GPC3: variants seen among roughly 807,000 people sequenced by gnomAD.
GPC3 encodes the protein glypican-3.
GPC3 carries 3 observed loss-of-function variants against 34.4 expected under a neutral mutation model. That is an observed-to-expected ratio of 0.09 (90% CI 0.04 to 0.23). The LOEUF is 0.23. Among genes scored for constraint, GPC3 ranks in the 10% least tolerant of loss-of-function variants. The pLI is 1.00. For synonymous variants in GPC3, 177 were observed against 174.0 expected, an observed-to-expected ratio of 1.02 and a Z score of -0.13; for missense variants, 351 against 445.6, an observed-to-expected ratio of 0.79 and a Z score of 1.91.
At chrX:133,800,188 T>A (rs760604875) in intron 2 of GPC3, among the ~76,000 whole-genome samples, 5 of 112,325 alleles carry the variant, frequency 4.5e-5, no homozygotes, top group Non-Finnish European at 9.4e-5. Context: ...ATAGCCAAAT[T>A]CAGCGTTTGC....
At chrX:133,699,817 G>T in intron 4 of GPC3, 78 bp downstream of exon 4, 1 of 818,135 alleles carries the variant, frequency 1.2e-6, no homozygotes, top group Non-Finnish European at 1.8e-6. Flanking sequence ...TATTTAAGAA[G>T]TTTCACTCTA....
chrX:133,844,127 G>A (rs190913989), intron 2 of GPC3, among the ~76,000 whole-genome samples: 1 of 112,199 alleles, frequency 8.9e-6, no homozygotes, highest in African/African-American at 3.2e-5. Context: ...AAAGGAGAAA[G>A]GGAGGTGTGA....
chrX:133,892,051 A>G (rs1414668692), intron 2 of GPC3, among the ~76,000 whole-genome samples: 1 of 109,740 alleles, frequency 9.1e-6, no homozygotes, highest in African/African-American at 3.3e-5. Flanking sequence ...AAACATAGAA[A>G]CTCCGTGTTA....
At chrX:133,601,323 T>C (rs1354127154) in intron 6 of GPC3, among the ~76,000 whole-genome samples, 1 of 112,439 alleles carries the variant, frequency 8.9e-6, no homozygotes, top group Non-Finnish European at 1.9e-5. Context: ...CACTTTTTAA[T>C]GCTTGTTTTT....
At chrX:133,665,070 T>C (rs1487533413) in intron 5 of GPC3, among the ~76,000 whole-genome samples, 2 of 112,290 alleles carry the variant, frequency 1.8e-5, no homozygotes, top group African/African-American at 6.5e-5. Flanking sequence ...TTAACAGTAA[T>C]TTGTAATATT....
intron 2 of GPC3, among the ~76,000 whole-genome samples, chrX:133,778,776 G>C (rs1031669741): frequency 9.0e-6 from 1 of 111,555 alleles, no homozygotes; most frequent in East Asian, 2.8e-4. Context: ...TAACAGTACA[G>C]GGCCCGTGGC....
intron 3 of GPC3, among the ~76,000 whole-genome samples, chrX:133,746,637 G>A (rs1401632959): frequency 4.4e-5 from 5 of 112,500 alleles, no homozygotes; most frequent in Non-Finnish European, 7.5e-5. Context: ...ATGGCAACCT[G>A]TAAACAGTTT....
At chrX:133,635,884 G>A (rs1244295762) in intron 6 of GPC3, among the ~76,000 whole-genome samples, 1 of 109,505 alleles carries the variant, frequency 9.1e-6, no homozygotes, top group African/African-American at 3.3e-5. Context: ...AATAGAGGCT[G>A]TCTACTTTCC....
chrX:133,747,765 T>C (rs1751697747), intron 3 of GPC3, among the ~76,000 whole-genome samples: 1 of 112,136 alleles, frequency 8.9e-6, no homozygotes, highest in African/African-American at 3.2e-5. Flanking sequence ...AGTGCTTCCA[T>C]TATTAGATGC....
intron 6 of GPC3, among the ~76,000 whole-genome samples, chrX:133,638,823 A>AAAAAAAAAAAAAAG (rs1556208965): frequency 8.9e-5 from 9 of 101,417 alleles, no homozygotes; most frequent in African/African-American, 3.4e-4. Context: ...TGATGAGCTA[A>AAAAAAAAAAAAAAG]AAAAAAAAAA....
At chrX:133,586,649 T>C (rs917742671) in intron 7 of GPC3, among the ~76,000 whole-genome samples, 2 of 111,897 alleles carry the variant, frequency 1.8e-5, no homozygotes, top group African/African-American at 6.5e-5. Flanking sequence ...GTGACTACTA[T>C]TGTTGTGACT....
In GPC3 at chrX:133,862,381, TA is replaced by T. The variant is rs1395945406; in HGVS notation, c.337+90668del. ...CATCTCATGGCTGTATTGCTTCCTT[TA>T]AAAAAAAAAAAATAGTGGCCGGGTG... is the stretch of plus-strand genomic sequence containing the variant. On this transcript the variant is annotated intron_variant, in intron 2 of 7. Coordinates refer to ENST00000370818, the MANE Select transcript of GPC3 (RefSeq NM_004484.4). Among the ~76,000 whole-genome samples the T allele has an allele frequency of 5.7e-3, 584 of 101,847 alleles. 3 individuals carry two copies. The highest frequency in any genetic ancestry group is 0.014 in the African/African-American group (386 of 28,241). The allele number at this position is 101,847 out of a possible 115,157, so 88.4% of individuals were successfully genotyped here.
intron 6 of GPC3, among the ~76,000 whole-genome samples, chrX:133,658,971 C>T (rs747664850): frequency 3.6e-5 from 4 of 111,679 alleles, no homozygotes; most frequent in Non-Finnish European, 7.5e-5. Flanking sequence ...GAATTAGACT[C>T]GCAGAAAGTA....
At chrX:133,869,958 A>T (rs1246789730) in intron 2 of GPC3, among the ~76,000 whole-genome samples, 4 of 111,950 alleles carry the variant, frequency 3.6e-5, no homozygotes, top group South Asian at 7.5e-4. Flanking sequence ...CCGTCTCAAA[A>T]AAATAAATAA....
intron 2 of GPC3, among the ~76,000 whole-genome samples, chrX:133,907,033 G>A (rs1239632909): frequency 1.8e-5 from 2 of 109,192 alleles, no homozygotes; most frequent in Admixed American, 9.7e-5. Flanking sequence ...CCCGGGAGGC[G>A]GAGCTTGCAG....
intron 3 of GPC3, among the ~76,000 whole-genome samples, chrX:133,702,568 A>G (rs1038863403): frequency 2.7e-5 from 3 of 111,329 alleles, no homozygotes; most frequent in African/African-American, 9.8e-5. Context: ...GGTCCACAGA[A>G]AGACTTTAAA....
At chrX:133,623,381 C>G (rs2070255347) in intron 6 of GPC3, among the ~76,000 whole-genome samples, 1 of 111,762 alleles carries the variant, frequency 8.9e-6, no homozygotes, top group South Asian at 3.8e-4. Context: ...GATAAAGAGT[C>G]AAGACCCATC....
chrX:133,698,915 G>T (rs2071139661), intron 4 of GPC3, among the ~76,000 whole-genome samples: 1 of 111,818 alleles, frequency 8.9e-6, no homozygotes, highest in South Asian at 3.7e-4. Context: ...TTCTTCTTCT[G>T]CCAGAGAATT....
At chrX:133,799,569 A>C (rs989776642) in intron 2 of GPC3, among the ~76,000 whole-genome samples, 1 of 111,510 alleles carries the variant, frequency 9.0e-6, no homozygotes, top group Non-Finnish European at 1.9e-5. Flanking sequence ...ACAGTGCTAC[A>C]TAGCTTTTGT....
Sources: gnomAD v4.1 joint callset for allele counts (sites outside exome capture counted in the v4.1 genomes callset) on GRCh38, gnomAD v4.1.1 for gene constraint, MANE v1.5 for transcripts, NCBI Gene and HGNC (gene_info 2026-07-23, HGNC 2026-07-21) for gene names.